Variants in EPHA6 observed in about 807,000 individuals in gnomAD.
EPHA6 encodes EPH receptor A6, also known as ephrin type-A receptor 6.
A neutral mutation model predicts 112.0 loss-of-function variants in EPHA6; 50 were observed. The ratio of observed to expected loss-of-function variants is 0.45; its 90% CI spans 0.36 to 0.56. The LOEUF is 0.56. Among genes scored for constraint, EPHA6 ranks in the 20% least tolerant of loss-of-function variants. The pLI is 0.00. For synonymous variants in EPHA6, 529 were observed against 490.7 expected (o/e 1.08, Z -1.03); for missense variants, 1,280 against 1,417.4 (o/e 0.90, Z 1.56).
At chr3:97,371,245 A>C (rs1424128179) in intron 5 of EPHA6, among the ~76,000 whole-genome samples, 1 of 152,090 alleles carries the variant, frequency 6.6e-6, no homozygotes, top group Non-Finnish European at 1.5e-5. Flanking sequence ...ATATAGACAA[A>C]GATGTTGAGA....
chr3:97,092,085 G>A (rs1559722565), intron 3 of EPHA6, among the ~76,000 whole-genome samples: 1 of 145,172 alleles, frequency 6.9e-6, no homozygotes, highest in African/African-American at 2.6e-5. Flanking sequence ...TGGTTAACAA[G>A]GTTTTTTTTT....
rs1197890184 is a variant in EPHA6, at chr3:97,559,546, C to T, written c.2386+27003C>T. On this transcript the variant is annotated intron_variant, in intron 11 of 17. Coordinates refer to ENST00000389672, the MANE Select transcript of EPHA6 (RefSeq NM_001080448.3). ...AGTGACTGAGTGGAGGAATTTCTAC[C>T]AAACCTGTGTTGCCTACCCTACTCA... is the stretch of plus-strand genomic sequence containing the variant. 3 of 439,938 alleles carry T rather than the reference C, an allele frequency of 6.8e-6. No individual in the cohort carries two copies. In the Admixed American group the frequency reaches 7.7e-5, roughly 11 times the overall value. 27.3% of individuals were successfully genotyped at this position (439,938 alleles called of 1,614,324 possible).
chr3:97,697,127 C>T (rs886578343), intron 14 of EPHA6, among the ~76,000 whole-genome samples: 2 of 152,202 alleles, frequency 1.3e-5, no homozygotes, highest in African/African-American at 4.8e-5. Context: ...CAGCTCCTCA[C>T]TGAATTTGAA....
At chr3:97,404,347 C>T (rs953696933) in intron 5 of EPHA6, among the ~76,000 whole-genome samples, 26 of 152,154 alleles carry the variant, frequency 1.7e-4, no homozygotes, top group African/African-American at 4.1e-4. Flanking sequence ...CAATCTGTTA[C>T]GTGAGAAATG....
At position 97,354,099 on chromosome 3, in the gene EPHA6, A is replaced by G. The variant is rs2083946356; in HGVS notation, c.1607-51051A>G. On this transcript the variant is annotated intron_variant, in intron 5 of 17. Transcript: ENST00000389672. ...AGGGGTGACCCCTAATGCACATACA[A>G]TTGCAGTAACCAAAGATTTAGATCA... is the stretch of plus-strand genomic sequence containing the variant. Among the ~76,000 whole-genome samples, 2 of 152,192 alleles carry G rather than the reference A, an allele frequency of 1.3e-5. 1 individual carries two copies. The highest frequency in any genetic ancestry group is 4.1e-4 in the South Asian group (2 of 4,828).
chr3:97,691,697 C>A (rs951278036), intron 14 of EPHA6, among the ~76,000 whole-genome samples: 1 of 152,110 alleles, frequency 6.6e-6, no homozygotes, highest in Non-Finnish European at 1.5e-5. Context: ...AACCCTAACA[C>A]CCAATTCATA....
intron 13 of EPHA6, among the ~76,000 whole-genome samples, chr3:97,628,847 G>A (rs2093879957): frequency 6.6e-6 from 1 of 151,952 alleles, no homozygotes. Flanking sequence ...TTGTGCTGAG[G>A]TAGAAAAGTG....
intron 4 of EPHA6, among the ~76,000 whole-genome samples, chr3:97,237,175 G>A (rs1458047963): frequency 6.9e-6 from 1 of 145,476 alleles, no homozygotes; most frequent in Admixed American, 7.2e-5. Flanking sequence ...TGTTTTTTTT[G>A]TTTTTGATTT....
intron 2 of EPHA6, among the ~76,000 whole-genome samples, chr3:96,982,690 A>C (rs1002795460): frequency 6.6e-6 from 1 of 152,178 alleles, no homozygotes; most frequent in Non-Finnish European, 1.5e-5. Flanking sequence ...GTGGGGTCTA[A>C]GTATCTTTGT....
In EPHA6 at chr3:97,340,502, G is replaced by A. The variant is rs76095265; in HGVS notation, c.1607-64648G>A. On this transcript the variant is annotated intron_variant, in intron 5 of 17. Coordinates refer to ENST00000389672, the MANE Select transcript of EPHA6 (RefSeq NM_001080448.3). ...ATGAACTCAAAAGAAGCACAGAAGCGTCAATCGTCACATTTTCACATAGCC... is the reference window on the plus strand; with the variant it reads ...ATGAACTCAAAAGAAGCACAGAAGCATCAATCGTCACATTTTCACATAGCC... Among the ~76,000 whole-genome samples the A allele has an allele frequency of 4.5e-3, 688 of 152,292 alleles. 1 individual carries two copies. Among genetic ancestry groups the A allele is most frequent in the Middle Eastern group, 0.017 (5 of 292 alleles).
intron 14 of EPHA6, among the ~76,000 whole-genome samples, chr3:97,716,536 CCG>C (rs2034238841): frequency 8.2e-6 from 1 of 122,062 alleles, no homozygotes; most frequent in Non-Finnish European, 1.5e-5. Flanking sequence ...CCACTGCAGT[CCG>C]CAGTCCGGCC....
chr3:96,833,884 C>A (rs376588575), intron 1 of EPHA6, among the ~76,000 whole-genome samples: 3 of 151,808 alleles, frequency 2.0e-5, no homozygotes, highest in Non-Finnish European at 4.4e-5. Context: ...CTTATTCATT[C>A]CAATTCATAA....
chr3:97,072,255 A>G (rs1031263170), intron 3 of EPHA6, among the ~76,000 whole-genome samples: 1 of 152,134 alleles, frequency 6.6e-6, no homozygotes, highest in Non-Finnish European at 1.5e-5. Context: ...TTTAGTACCT[A>G]TGAAAGTGAA....
intron 5 of EPHA6, among the ~76,000 whole-genome samples, chr3:97,321,145 A>G (rs1012489329): frequency 6.6e-6 from 1 of 151,948 alleles, no homozygotes; most frequent in African/African-American, 2.4e-5. Context: ...GAAATGGTTT[A>G]CTACTTATCT....
chr3:97,555,158 T>C (rs1385410890), intron 11 of EPHA6, among the ~76,000 whole-genome samples: 2 of 144,358 alleles, frequency 1.4e-5, no homozygotes, highest in African/African-American at 2.5e-5. Context: ...TCAATTCCCA[T>C]CTATGAGTGA....
At chr3:97,706,734 G>GT (rs11456198) in intron 14 of EPHA6, among the ~76,000 whole-genome samples, 16,659 of 150,242 alleles carry the variant, frequency 0.11, 2,573 homozygotes, top group African/African-American at 0.35. Context: ...TATTCTGAAG[G>GT]TTTTTGCCTC....
intron 2 of EPHA6, among the ~76,000 whole-genome samples, chr3:96,938,364 G>GAC (rs2040724549): frequency 6.6e-6 from 1 of 150,696 alleles, no homozygotes; most frequent in South Asian, 2.1e-4. Context: ...TATTCTCTTT[G>GAC]AAGCAATTGT....
Position 96,866,827 on chromosome 3 carries a change from G to A in EPHA6, c.388G>A (p.Val130Met), listed in dbSNP as rs142909067. 482 of 1,466,152 alleles carry A rather than the reference G, an allele frequency of 3.3e-4. 7 individuals are homozygous for A. In the East Asian group the frequency reaches 0.013, roughly 39 times the overall value. 90.8% of individuals were successfully genotyped at this position (1,466,152 alleles called of 1,614,324 possible). Residue 130 changes from valine (V) to methionine (M), a missense_variant and splice_region_variant, in exon 2 of 18, where the codon GTG becomes ATG. By Grantham distance (21) the Val-to-Met change is conservative (BLOSUM62 1). This residue lies in a region of EPHA6 where 220 missense variants were observed against 171.5 expected (regional missense o/e 1.28). Coordinates refer to ENST00000389672, the MANE Select transcript of EPHA6 (RefSeq NM_001080448.3). ...TTTTATTTTCTATTTAATTCCAGTTGTGTTGCTTGATACAACAACTGTACT... is the reference window on the plus strand; with the variant it reads ...TTTTATTTTCTATTTAATTCCAGTTATGTTGCTTGATACAACAACTGTACT... ...DCSHVSNNQV[V>M]LLDTTTVLGE...
chr3:97,023,659 A>ATT (rs752331069), intron 3 of EPHA6, among the ~76,000 whole-genome samples: 1 of 146,114 alleles, frequency 6.8e-6, no homozygotes, highest in Non-Finnish European at 1.5e-5. Context: ...AAAATGTTAA[A>ATT]TTTTTTTTTT....
Sources: gnomAD v4.1 joint callset for allele counts (sites outside exome capture counted in the v4.1 genomes callset) on GRCh38, gnomAD v4.1.1 for gene constraint, gnomAD v4.1.1 regional missense constraint, MANE v1.5 for transcripts, NCBI Gene and HGNC (gene_info 2026-07-23, HGNC 2026-07-21) for gene names.